Variants in PAX5 observed in about 807,000 individuals in gnomAD.
PAX5 encodes paired box 5, also known as paired box protein Pax-5.
Under a neutral mutation model 43.7 loss-of-function variants are expected in PAX5, and 9 were observed. That is an observed-to-expected ratio of 0.21 (90% CI 0.12 to 0.36). PAX5 has a LOEUF of 0.36. PAX5 is among the 10% of genes least tolerant of loss of function. PAX5 has a pLI of 1.00. For missense variants in PAX5, 383 were observed against 532.7 expected (o/e 0.72, Z 2.77); for synonymous variants, 228 against 214.3 (o/e 1.06, Z -0.56).
chr9:37,016,977 C>T (rs1238179704), intron 2 of PAX5, among the ~76,000 whole-genome samples: 2 of 152,178 alleles, frequency 1.3e-5, no homozygotes, highest in Non-Finnish European at 2.9e-5. Flanking sequence ...GGTAAAAACT[C>T]AACCTATCTT....
intron 1 of PAX5, among the ~76,000 whole-genome samples, chr9:37,021,107 C>T (rs112416853): frequency 4.1e-4 from 62 of 152,130 alleles, no homozygotes; most frequent in African/African-American, 1.4e-3. Flanking sequence ...TCAATGTAAA[C>T]GAAATGGGCA....
intron 8 of PAX5, among the ~76,000 whole-genome samples, chr9:36,847,188 C>T (rs904911784): frequency 5.3e-5 from 8 of 152,202 alleles, no homozygotes; most frequent in Admixed American, 1.3e-4. Flanking sequence ...ACTCCCATGT[C>T]GTTCTGTGGC....
intron 7 of PAX5, among the ~76,000 whole-genome samples, chr9:36,914,767 A>G (rs1477358023): frequency 6.6e-6 from 1 of 152,192 alleles, no homozygotes; most frequent in Non-Finnish European, 1.5e-5. Context: ...TAATGCCCCA[A>G]AAAGCAGAGG....
intron 8 of PAX5, among the ~76,000 whole-genome samples, chr9:36,862,758 G>T (rs1181567099): frequency 6.6e-6 from 1 of 152,154 alleles, no homozygotes; most frequent in East Asian, 1.9e-4. Flanking sequence ...TGTTCACTGG[G>T]CATCTGCCCT....
intron 8 of PAX5, among the ~76,000 whole-genome samples, chr9:36,858,911 G>A (rs1038708933): frequency 2.0e-5 from 3 of 152,168 alleles, no homozygotes; most frequent in African/African-American, 4.8e-5. Flanking sequence ...GGAGGGTGAA[G>A]GTGTCATACC....
At chr9:36,889,784 AAC>A (rs1345587033) in intron 7 of PAX5, among the ~76,000 whole-genome samples, 1 of 152,178 alleles carries the variant, frequency 6.6e-6, no homozygotes, top group African/African-American at 2.4e-5. Context: ...CTTCTGAAGG[AAC>A]TATGCTTCTC....
At chr9:36,897,512 A>G (rs908520325) in intron 7 of PAX5, among the ~76,000 whole-genome samples, 13 of 152,016 alleles carry the variant, frequency 8.6e-5, no homozygotes, top group African/African-American at 3.1e-4. Flanking sequence ...ATACACACAC[A>G]AGCAAGAAAA....
Position 36,833,884 on chromosome 9 carries a change from T to TTTA in PAX5, c.*6675_*6676insTAA, listed in dbSNP as rs397746122. 2 of 232,220 alleles carry TTTA rather than the reference T, an allele frequency of 8.6e-6. No homozygotes were observed. Among genetic ancestry groups the TTTA allele is most frequent in the Non-Finnish European group, 8.5e-6 (1 of 117,840 alleles). 14.4% of individuals were successfully genotyped at this position (232,220 alleles called of 1,614,324 possible). Reference sequence around the variant, plus strand: ...GTATTTTTTTGTATTTTTTTTTTTTTACAAGTAAGCGTCTATGCAGGCATC... The same window carrying TTTA: ...GTATTTTTTTGTATTTTTTTTTTTTTTTAACAAGTAAGCGTCTATGCAGGCATC... On this transcript the variant is annotated 3_prime_UTR_variant, in exon 10 of 10. Transcript: ENST00000358127.
intron 1 of PAX5, among the ~76,000 whole-genome samples, chr9:37,032,022 T>C (rs1054932547): frequency 2.0e-5 from 3 of 151,864 alleles, no homozygotes; most frequent in African/African-American, 7.3e-5. Context: ...CAGGCTGGAG[T>C]GGACAGATGG....
At chr9:36,880,789 G>GT (rs1234228059) in intron 8 of PAX5, among the ~76,000 whole-genome samples, 1 of 152,230 alleles carries the variant, frequency 6.6e-6, no homozygotes, top group East Asian at 1.9e-4. Flanking sequence ...TGTTGGCCAG[G>GT]CTGGTCTCGA....
intron 6 of PAX5, among the ~76,000 whole-genome samples, chr9:36,928,153 A>T (rs1177935426): frequency 6.6e-6 from 1 of 152,128 alleles, no homozygotes; most frequent in Non-Finnish European, 1.5e-5. Flanking sequence ...ATTGTTCCCT[A>T]AGTCCTCATC....
At chr9:36,918,844 A>G (rs1829919058) in intron 7 of PAX5, among the ~76,000 whole-genome samples, 1 of 152,264 alleles carries the variant, frequency 6.6e-6, no homozygotes, top group Non-Finnish European at 1.5e-5. Context: ...AGCCATCTCC[A>G]TAACACAAAG....
At chr9:37,003,770 G>A (rs1838151355) in intron 4 of PAX5, among the ~76,000 whole-genome samples, 1 of 152,230 alleles carries the variant, frequency 6.6e-6, no homozygotes, top group Non-Finnish European at 1.5e-5. Context: ...CCAGGAAGTC[G>A]AGGTTGTAGT....
At chr9:36,929,611 GGCACCCTGGTGCTGTCCTT>G (rs1427818495) in intron 6 of PAX5, among the ~76,000 whole-genome samples, 1 of 152,136 alleles carries the variant, frequency 6.6e-6, no homozygotes, top group Non-Finnish European at 1.5e-5. Flanking sequence ...TCTTCATCAG[GGCACCCTGGTGCTGTCCTT>G]GACCATGACC....
chr9:36,948,484 AG>A (rs1832738145), intron 6 of PAX5, among the ~76,000 whole-genome samples: 1 of 152,220 alleles, frequency 6.6e-6, no homozygotes. Context: ...GTTTGTTTGT[AG>A]GGGAAGATCC....
chr9:36,944,878 G>A (rs750976840), intron 6 of PAX5, among the ~76,000 whole-genome samples: 5 of 152,188 alleles, frequency 3.3e-5, no homozygotes, highest in Admixed American at 6.5e-5. Context: ...ATTTCTAACC[G>A]GGGACCGGAG....
chr9:36,943,529 T>TTCACACACACACACACACACACAC (rs35815065), intron 6 of PAX5, among the ~76,000 whole-genome samples: 1 of 145,912 alleles, frequency 6.9e-6, no homozygotes. Context: ...TAGTTCAACA[T>TTCACACACACACACACACACACAC]ACACACACAC....
intron 6 of PAX5, among the ~76,000 whole-genome samples, chr9:36,949,681 C>A (rs1308145450): frequency 1.3e-5 from 2 of 152,204 alleles, no homozygotes; most frequent in Non-Finnish European, 2.9e-5. Context: ...TATGCTACTT[C>A]CAGCAGTCCT....
chr9:36,997,703 A>C (rs892973849), intron 5 of PAX5, among the ~76,000 whole-genome samples: 8 of 152,186 alleles, frequency 5.3e-5, no homozygotes, highest in African/African-American at 1.9e-4. Flanking sequence ...AGACAAAGCG[A>C]CATCTCATAA....
Sources: gnomAD v4.1 joint callset for allele counts (sites outside exome capture counted in the v4.1 genomes callset) on GRCh38, gnomAD v4.1.1 for gene constraint, MANE v1.5 for transcripts, NCBI Gene and HGNC (gene_info 2026-07-23, HGNC 2026-07-21) for gene names.